The following KLK12 variants were observed in gnomAD, a reference collection of about 807,000 sequenced individuals.
KLK12 encodes kallikrein-12.
A neutral mutation model predicts 20.0 loss-of-function variants in KLK12; 23 were observed. That is an observed-to-expected ratio of 1.15 (90% CI 0.83 to 1.63). The LOEUF is 1.63. Among genes scored for constraint, KLK12 ranks in the 40% most tolerant of loss-of-function variants. The pLI is 0.00. For missense variants in KLK12, 351 were observed against 338.6 expected (o/e 1.04, Z -0.29); for synonymous variants, 147 against 141.9 (o/e 1.04, Z -0.25).
chr19:51,031,145 G>A (rs1387477895), intron 4 of KLK12, among the ~76,000 whole-genome samples: 7 of 152,134 alleles, frequency 4.6e-5, no homozygotes, highest in African/African-American at 1.7e-4. Flanking sequence ...GACTTTGAGT[G>A]GCATAACTCA....
Position 51,034,986 on chromosome 19 carries a change from T to C in KLK12, c.-200A>G. 2 of 1,159,174 alleles carry C rather than the reference T, an allele frequency of 1.7e-6. No homozygotes were observed. The highest frequency in any genetic ancestry group is 2.1e-6 in the Non-Finnish European group (2 of 932,970). The allele number at this position is 1,159,174 out of a possible 1,614,324, so 71.8% of individuals were successfully genotyped here. A position where few individuals can be genotyped will look rare whatever the true frequency, so the allele number is the denominator to read the frequency against. On this transcript the variant is annotated 5_prime_UTR_variant, in exon 1 of 6. Transcript: ENST00000684732. ...TGTCATGTTGCTCAACCGGTCCCTT[T>C]CCTTCCATCTGTCGCTCCAGACAGA...
At chr19:51,030,640 G>A (rs956056152) in intron 5 of KLK12, 148 bp downstream of exon 5, 51 of 1,191,380 alleles carry the variant, frequency 4.3e-5, no homozygotes, top group Non-Finnish European at 5.4e-5. Flanking sequence ...GTGAGCCTCC[G>A]TAACCAGCCT....
chr19:51,032,918 CA>C (rs1348054948), intron 3 of KLK12, among the ~76,000 whole-genome samples: 1 of 151,676 alleles, frequency 6.6e-6, no homozygotes, highest in Non-Finnish European at 1.5e-5. Context: ...TCCCCTTTCA[CA>C]AAAAAAGTTC....
In KLK12 at chr19:51,031,864, T is replaced by C. The variant is rs760312934; in HGVS notation, c.457+12A>G. 2 of 1,613,258 alleles carry C rather than the reference T, an allele frequency of 1.2e-6. No homozygotes were observed. The highest frequency in any genetic ancestry group is 4.5e-5 in the East Asian group (2 of 44,852). ...CATCCTGACCCCTGACCCCTGGCCC[T>C]GGGCCCCTTACTCCGTGGGTGGTTG... On this transcript the variant is annotated intron_variant, in intron 4 of 5. Transcript: ENST00000684732.
rs747269958 is a variant in KLK12 at position 51,034,186 on chromosome 19, A to T, written c.38-47T>A. 2.0e-6 allele frequency: 3 copies of T among 1,531,930 alleles called. No homozygotes were observed. In the African/African-American group the frequency reaches 4.1e-5, roughly 21 times the overall value. The allele number at this position is 1,531,930 out of a possible 1,614,324, so 94.9% of individuals were successfully genotyped here. A position where few individuals can be genotyped will look rare whatever the true frequency, so the allele number is the denominator to read the frequency against. On this transcript the variant is annotated intron_variant, in intron 2 of 5. Transcript: ENST00000684732. ...GGTCAGAGAGAGGAAGAAAAGATAC[A>T]GAGATGGAGAGACACACAGAGTGAG...
At chr19:51,031,019 C>G (rs1211374087) in intron 4 of KLK12, 98 bp from the exon 5 acceptor site, 1 of 1,400,496 alleles carries the variant, frequency 7.1e-7, no homozygotes, top group Middle Eastern at 1.8e-4. Context: ...GTCAATACCC[C>G]TGCCCCTCAC....
Position 51,029,402 on chromosome 19 carries a change from C to G in KLK12, c.647G>C (p.Trp216Ser). The G allele has an allele frequency of 6.2e-7, 1 of 1,613,832 alleles. No individual in the cohort carries two copies. The highest frequency in any genetic ancestry group is 8.5e-7 in the Non-Finnish European group (1 of 1,179,738). Residue 216 changes from tryptophan (W) to serine (S), a missense_variant, in exon 6 of 6, where the codon TGG (tryptophan) becomes TCG (serine). By Grantham distance (177) the Trp-to-Ser change is radical. Transcript: ENST00000684732. ...CGGVLQGLVS[W>S]GSVGPCGQDG... ...TTGTCCACAGGGCCCCACAGACCCC[C>G]AGGACACCAGACCTTGAAGGACTCC...
At chr19:51,034,267 A>G in intron 2 of KLK12, 128 bp from the exon 3 acceptor site, 1 of 1,234,156 alleles carries the variant, frequency 8.1e-7, no homozygotes, top group South Asian at 1.3e-5. Context: ...AGAGAGAGAA[A>G]GAGAGAGAGA....
chr19:51,031,693 C>T (rs2091559375), intron 4 of KLK12, 183 bp downstream of exon 4: 2 of 744,796 alleles, frequency 2.7e-6, no homozygotes, highest in South Asian at 1.6e-5. Flanking sequence ...GTCCTTTAAC[C>T]CCTTTGGCTC....
rs1394889814 is a variant in KLK12, at chr19:51,029,436, C to G, written c.613G>C (p.Val205Leu). The G allele has an allele frequency of 6.2e-7, 1 of 1,612,230 alleles. No homozygotes were observed. Residue 205 changes from valine (V) to leucine (L), a missense_variant, in exon 6 of 6, where the codon GTG (valine) becomes CTG (leucine). Physicochemically the swap from Val to Leu is conservative, Grantham distance 32. Coordinates refer to ENST00000684732, the MANE Select transcript of KLK12 (RefSeq NM_001370125.1). Reference sequence around the variant, plus strand: ...AGACCTTGAAGGACTCCCCCACACACCAGGGGGCCCCCAGAATCACCCTGG... The same window carrying G: ...AGACCTTGAAGGACTCCCCCACACAGCAGGGGGCCCCCAGAATCACCCTGG... The part of the protein sequence containing the change: ...ACQGDSGGPL[V>L]CGGVLQGLVS...
intron 3 of KLK12, among the ~76,000 whole-genome samples, chr19:51,033,194 T>C (rs568899269): frequency 2.8e-5 from 4 of 141,168 alleles, no homozygotes; most frequent in Non-Finnish European, 6.0e-5. Context: ...CCAGCTTGGA[T>C]GACAGAAAGA....
At position 51,034,870 on chromosome 19, in the gene KLK12, T is replaced by C; in HGVS notation, c.-84A>G. On this transcript the variant is annotated 5_prime_UTR_variant, in exon 1 of 6. In the 5' UTR this introduces an upstream ATG that the reference lacks. Transcript: ENST00000684732. The stretch of plus-strand genomic sequence containing the variant: ...CTGTTTGGCCTGTCCTCGTCGCTGC[T>C]ATCTCTCCGTCCACCTACCTGCCTG... The C allele has an allele frequency of 7.2e-7, 1 of 1,385,550 alleles. No individual in the cohort carries two copies. 85.8% of individuals were successfully genotyped at this position (1,385,550 alleles called of 1,614,324 possible).
Position 51,029,142 on chromosome 19 carries a change from C to G in KLK12, c.*160G>C. The stretch of plus-strand genomic sequence containing the variant: ...CAGACTATTGCACACTTCTCTCACC[C>G]CGCTCGTGGGTCTTAGAAGGGCTGG... On this transcript the variant is annotated 3_prime_UTR_variant, in exon 6 of 6. Coordinates refer to ENST00000684732, the MANE Select transcript of KLK12 (RefSeq NM_001370125.1). 2.5e-6 allele frequency: 4 copies of G among 1,613,716 alleles called. No homozygotes were observed. Among genetic ancestry groups the G allele is most frequent in the Non-Finnish European group, 3.4e-6 (4 of 1,179,630 alleles).
At chr19:51,032,847 C>G (rs1455753802) in intron 3 of KLK12, among the ~76,000 whole-genome samples, 5 of 152,094 alleles carry the variant, frequency 3.3e-5, no homozygotes, top group Non-Finnish European at 7.4e-5. Flanking sequence ...GATGAATGGC[C>G]TCTCTGCATC....
Position 51,034,916 on chromosome 19 carries a change from TCCG to T in KLK12, c.-133_-131del. The T allele has an allele frequency of 7.7e-6, 10 of 1,305,758 alleles. No homozygotes were observed. The highest frequency in any genetic ancestry group is 8.8e-6 in the Non-Finnish European group (9 of 1,019,660). 80.9% of individuals were successfully genotyped at this position (1,305,758 alleles called of 1,614,324 possible). A position where few individuals can be genotyped will look rare whatever the true frequency, so the allele number is the denominator to read the frequency against. ...GCCTGTCTTCTCATGTGCTGGCCAC[TCCG>T]CCAGCCAACTCTACCACTCTGCACC... is the stretch of plus-strand genomic sequence containing the variant. On this transcript the variant is annotated 5_prime_UTR_variant, in exon 1 of 6. Transcript: ENST00000684732.
At chr19:51,033,735 T>C in intron 3 of KLK12, 1 of 587,010 alleles carries the variant, frequency 1.7e-6, no homozygotes, top group South Asian at 2.0e-5. Context: ...AAAGGGTACA[T>C]GCAGGAATGG....
Position 51,031,595 on chromosome 19 carries a change from C to CATACATACATAT in KLK12, c.457+280_457+281insATATGTATGTAT, listed in dbSNP as rs6146546. ...CCACAATGCCCATATCCTATACATACATATATATATATATATGCCTTTTGC... is the reference window on the plus strand; with the variant it reads ...CCACAATGCCCATATCCTATACATACATACATACATATATATATATATATATATGCCTTTTGC... On this transcript the variant is annotated intron_variant, in intron 4 of 5. Transcript: ENST00000684732. Among the ~76,000 whole-genome samples the CATACATACATAT allele has an allele frequency of 1.3e-4, 16 of 120,480 alleles. No individual in the cohort carries two copies. The South Asian group carries it at 3.9e-3, about 30-fold the overall frequency. 79.0% of individuals were successfully genotyped at this position (120,480 alleles called of 152,430 possible).
In KLK12 at chr19:51,034,386, G is replaced by A. The variant is rs1486279574; in HGVS notation, c.37+199C>T. On this transcript the variant is annotated intron_variant, in intron 2 of 5. Coordinates refer to ENST00000684732, the MANE Select transcript of KLK12 (RefSeq NM_001370125.1). The stretch of plus-strand genomic sequence containing the variant: ...AGATTCAGAGAGGGACAGAAGGGAA[G>A]AGGGATCAAAAAATAGGGGAGACCG... 7 of 1,394,710 alleles carry A rather than the reference G, an allele frequency of 5.0e-6. No homozygotes were observed. The East Asian group carries it at 1.5e-4, about 30-fold the overall frequency. 86.4% of individuals were successfully genotyped at this position (1,394,710 alleles called of 1,614,324 possible).
chr19:51,034,554 C>T (rs748164817), intron 2 of KLK12, 31 bp downstream of exon 2: 1 of 1,605,836 alleles, frequency 6.2e-7, no homozygotes, highest in African/African-American at 1.3e-5. Flanking sequence ...CAGTCGCAGT[C>T]CTGCCCTCTC....
Sources: allele counts gnomAD v4.1 joint callset (sites outside exome capture counted in the v4.1 genomes callset), GRCh38; gene constraint gnomAD v4.1.1; transcripts MANE v1.5; gene names NCBI Gene and HGNC (gene_info 2026-07-23, HGNC 2026-07-21).